The following SRGAP3 variants were observed in gnomAD, a reference collection of about 807,000 sequenced individuals.
The protein encoded by SRGAP3 is SLIT-ROBO Rho GTPase-activating protein 3.
SRGAP3 carries 39 observed loss-of-function variants against 121.1 expected under a neutral mutation model. That is an observed-to-expected ratio of 0.32 (90% CI 0.25 to 0.42). The LOEUF is 0.42. Among genes scored for constraint, SRGAP3 ranks in the 10% least tolerant of loss-of-function variants. The pLI, the probability that SRGAP3 is intolerant of heterozygous loss-of-function variation, is 1.00. For synonymous variants in SRGAP3, 601 were observed against 570.0 expected (o/e 1.05, Z -0.77); for missense variants, 1,213 against 1,470.6 (o/e 0.82, Z 2.86).
chr3:9,247,418 A>AGCACGC (rs1953862631), intron 1 of SRGAP3, among the ~76,000 whole-genome samples: 1 of 152,160 alleles, frequency 6.6e-6, no homozygotes, highest in Admixed American at 6.5e-5. Context: ...AGAGGTGATG[A>AGCACGC]GCACGCTGGG....
intron 3 of SRGAP3, among the ~76,000 whole-genome samples, chr3:9,319,622 G>A (rs1050816101): frequency 1.2e-4 from 18 of 151,900 alleles, no homozygotes; most frequent in Admixed American, 5.9e-4. Context: ...CTGACTATGA[G>A]AGACAGGTAA....
intron 1 of SRGAP3, among the ~76,000 whole-genome samples, chr3:9,186,836 T>C (rs1291049672): frequency 7.9e-5 from 12 of 152,240 alleles, no homozygotes. Flanking sequence ...GCATCTGCTA[T>C]TCTACAGAGG....
intron 4 of SRGAP3, among the ~76,000 whole-genome samples, chr3:9,078,413 A>G (rs1347802212): frequency 6.6e-6 from 1 of 152,026 alleles, no homozygotes; most frequent in East Asian, 1.9e-4. Flanking sequence ...GAGCACGACA[A>G]TCCCATTCGG....
Position 9,043,523 on chromosome 3 carries a change from A to C in SRGAP3, c.1408+3868T>G, listed in dbSNP as rs1945117936. On this transcript the variant is annotated intron_variant, in intron 10 of 21. Transcript: ENST00000383836. ...TGGAGTGGAATGTCAGAACACACTG[A>C]AGGAAAACTTTTCTCTGACGTGGAA... is the stretch of plus-strand genomic sequence containing the variant. 3.3e-5 allele frequency among the ~76,000 whole-genome samples: 5 copies of C among 151,968 alleles called. No individual in the cohort carries two copies. In the South Asian group the frequency reaches 1.0e-3, roughly 32 times the overall value.
At chr3:8,998,045 C>T (rs1942518954) in intron 18 of SRGAP3, among the ~76,000 whole-genome samples, 1 of 152,122 alleles carries the variant, frequency 6.6e-6, no homozygotes, top group African/African-American at 2.4e-5. Context: ...CCATGCCCAG[C>T]TAATTTTTTA....
intron 3 of SRGAP3, chr3:9,292,706 T>C (rs1217896700): frequency 6.6e-6 from 1 of 152,228 alleles, no homozygotes; most frequent in African/African-American, 2.4e-5. Flanking sequence ...TGATGTTTTC[T>C]TTTAATTAGC....
chr3:9,204,275 C>G (rs1264341631), intron 1 of SRGAP3, among the ~76,000 whole-genome samples: 1 of 152,254 alleles, frequency 6.6e-6, no homozygotes, highest in South Asian at 2.1e-4. Flanking sequence ...ACAGAAGTGA[C>G]AGCCTCAGGG....
At chr3:9,256,898 T>C (rs1954143165) in intron 3 of SRGAP3, 1 of 398,372 alleles carries the variant, frequency 2.5e-6, no homozygotes. Context: ...AGCTTACACT[T>C]TAAGAAACAG....
At chr3:9,100,080 T>A (rs1408764244) in intron 3 of SRGAP3, among the ~76,000 whole-genome samples, 5 of 152,212 alleles carry the variant, frequency 3.3e-5, no homozygotes, top group African/African-American at 1.2e-4. Context: ...AAAATCGTGA[T>A]TTTGGGAGAA....
intron 4 of SRGAP3, among the ~76,000 whole-genome samples, chr3:9,079,569 C>T (rs1013086342): frequency 2.6e-5 from 4 of 152,202 alleles, no homozygotes; most frequent in African/African-American, 9.7e-5. Context: ...TCCTCGGAAC[C>T]GTGCTCCATT....
intron 7 of SRGAP3, among the ~76,000 whole-genome samples, chr3:9,056,951 G>A (rs1240225939): frequency 6.6e-6 from 1 of 152,080 alleles, no homozygotes; most frequent in Non-Finnish European, 1.5e-5. Context: ...GTGCCATCAC[G>A]GCTCACTGCA....
At chr3:9,306,378 A>G (rs1955162088) in intron 3 of SRGAP3, among the ~76,000 whole-genome samples, 1 of 152,050 alleles carries the variant, frequency 6.6e-6, no homozygotes. Flanking sequence ...GTTCACTCTG[A>G]TGGTACTTTC....
At chr3:8,994,756 C>T (rs1280738163) in intron 18 of SRGAP3, among the ~76,000 whole-genome samples, 1 of 152,200 alleles carries the variant, frequency 6.6e-6, no homozygotes, top group Non-Finnish European at 1.5e-5. Flanking sequence ...AAAGAGGGAG[C>T]TGATACATGC....
chr3:9,213,038 A>G (rs974948870), intron 1 of SRGAP3, among the ~76,000 whole-genome samples: 2 of 152,150 alleles, frequency 1.3e-5, no homozygotes, highest in Admixed American at 6.5e-5. Flanking sequence ...GCTTGGTGAG[A>G]AAAACTTCCC....
chr3:9,302,248 G>T (rs1204534797), intron 3 of SRGAP3, among the ~76,000 whole-genome samples: 1 of 152,192 alleles, frequency 6.6e-6, no homozygotes, highest in Non-Finnish European at 1.5e-5. Flanking sequence ...CCTGGCCTTA[G>T]CAGTGCATAC....
chr3:9,127,128 C>G (rs953269481), intron 1 of SRGAP3, among the ~76,000 whole-genome samples: 16 of 151,774 alleles, frequency 1.1e-4, no homozygotes, highest in Admixed American at 8.5e-4. Flanking sequence ...TCAAGACCAG[C>G]CTGGGAAACA....
intron 18 of SRGAP3, among the ~76,000 whole-genome samples, chr3:9,005,255 G>A (rs531902817): frequency 4.9e-4 from 75 of 152,146 alleles, no homozygotes; most frequent in Non-Finnish European, 7.9e-4. Context: ...AGGATGGCAA[G>A]AATCAAAAAG....
chr3:9,089,826 T>A (rs1362570040), intron 3 of SRGAP3, among the ~76,000 whole-genome samples: 1 of 152,132 alleles, frequency 6.6e-6, no homozygotes, highest in Non-Finnish European at 1.5e-5. Context: ...AGTGATCAGA[T>A]CAGAGACAAA....
intron 14 of SRGAP3, among the ~76,000 whole-genome samples, chr3:9,019,493 G>A (rs556742805): frequency 1.3e-5 from 2 of 152,350 alleles, no homozygotes; most frequent in South Asian, 2.1e-4. Flanking sequence ...TGGGGGAGGT[G>A]AAAGGCAGCA....
Sources: allele counts gnomAD v4.1 joint callset (sites outside exome capture counted in the v4.1 genomes callset), GRCh38; gene constraint gnomAD v4.1.1; transcripts MANE v1.5; gene names NCBI Gene and HGNC (gene_info 2026-07-23, HGNC 2026-07-21).